SKIC8: variants seen among roughly 807,000 people sequenced by gnomAD.
The protein encoded by SKIC8 is superkiller complex protein 8.
chr15:78,296,774 A>G, the SKIC8 span, among the ~76,000 whole-genome samples: 1 of 152,188 alleles, frequency 6.6e-6, no homozygotes, highest in Non-Finnish European at 1.5e-5. Flanking sequence ...AAGTGCTGGG[A>G]TTACAGGTAT....
At chr15:78,295,401 C>CTTTTTTTTTTT in the SKIC8 span, 1 of 393,862 alleles carries the variant, frequency 2.5e-6, no homozygotes, top group Non-Finnish European at 4.6e-6. Flanking sequence ...CTATTCTGAT[C>CTTTTTTTTTTT]TTTTTTTTTT....
the SKIC8 span, chr15:78,295,247 T>C: frequency 1.8e-6 from 1 of 560,962 alleles, no homozygotes; most frequent in Non-Finnish European, 3.2e-6. Flanking sequence ...ATGTTTTCTT[T>C]TTCTGTTCTG....
the SKIC8 span, chr15:78,294,825 ATTC>A: frequency 8.9e-7 from 1 of 1,119,822 alleles, no homozygotes; most frequent in African/African-American, 1.6e-5. Context: ...TCAGCTGCCA[ATTC>A]TTCTGCAAAG....
the SKIC8 span, chr15:78,291,130 C>G: frequency 6.6e-6 from 1 of 152,142 alleles, no homozygotes; most frequent in African/African-American, 2.4e-5. Context: ...AACTTTGCCA[C>G]ACTTGGAGAA....
the SKIC8 span, chr15:78,292,468 A>T: frequency 3.7e-6 from 3 of 806,280 alleles, 1 homozygote; most frequent in South Asian, 5.1e-5. Flanking sequence ...AGCCCCACTG[A>T]GGGTATTATG....
At chr15:78,288,781 T>C in the SKIC8 span, 14 of 344,164 alleles carry the variant, frequency 4.1e-5, no homozygotes, top group East Asian at 1.0e-3. Context: ...CGTAATAAAT[T>C]CACTTGATTA....
the SKIC8 span, among the ~76,000 whole-genome samples, chr15:78,297,412 T>G: frequency 6.6e-6 from 1 of 152,112 alleles, no homozygotes; most frequent in Non-Finnish European, 1.5e-5. Context: ...TTTTAGTAAG[T>G]AGGTGAATTC....
chr15:78,296,802 C>G, the SKIC8 span, among the ~76,000 whole-genome samples: 1 of 152,164 alleles, frequency 6.6e-6, no homozygotes, highest in Non-Finnish European at 1.5e-5. Context: ...CAGACTCAGG[C>G]TCAGGATGTC....
At chr15:78,294,041 A>C in the SKIC8 span, among the ~76,000 whole-genome samples, 1 of 152,238 alleles carries the variant, frequency 6.6e-6, no homozygotes, top group African/African-American at 2.4e-5. Context: ...CAAAATATGA[A>C]TATAAAGGCA....
the SKIC8 span, chr15:78,286,164 G>T: frequency 6.3e-7 from 1 of 1,588,686 alleles, no homozygotes; most frequent in South Asian, 1.1e-5. Context: ...ACAAAATTGA[G>T]ATGTTAATTT....
At chr15:78,295,420 T>TTTA in the SKIC8 span, 1 of 470,316 alleles carries the variant, frequency 2.1e-6, no homozygotes, top group South Asian at 2.1e-5. Context: ...TTTTTTTTTG[T>TTTA]ACAACATCTT....
the SKIC8 span, chr15:78,285,435 C>G: frequency 9.4e-7 from 1 of 1,060,100 alleles, no homozygotes; most frequent in Non-Finnish European, 1.4e-6. Context: ...TTCAGACCCC[C>G]CAACCCCATG....
At chr15:78,289,755 GTGT>G in the SKIC8 span, 5 of 1,582,302 alleles carry the variant, frequency 3.2e-6, no homozygotes, top group Admixed American at 8.4e-5. Context: ...TTCAGACTCC[GTGT>G]TGTTAAGCTG....
chr15:78,292,878 C>T, the SKIC8 span: 1 of 1,414,692 alleles, frequency 7.1e-7, no homozygotes, highest in Non-Finnish European at 9.7e-7. Flanking sequence ...CTATGCAATA[C>T]CAATGGTCTA....
the SKIC8 span, chr15:78,290,026 G>A: frequency 1.9e-6 from 3 of 1,614,132 alleles, no homozygotes; most frequent in Admixed American, 1.7e-5. Context: ...CACCAAAAAT[G>A]TTCACTTTCC....
chr15:78,284,233 C>G, the SKIC8 span: 2 of 152,076 alleles, frequency 1.3e-5, no homozygotes, highest in African/African-American at 4.8e-5. Context: ...TTCACTCCAG[C>G]CTCTGACACA....
chr15:78,288,345 C>G, the SKIC8 span: 1 of 1,613,738 alleles, frequency 6.2e-7, no homozygotes, highest in Non-Finnish European at 8.5e-7. Flanking sequence ...GCTGGGAGTC[C>G]GGGGAAAAGG....
At chr15:78,298,461 G>A in the SKIC8 span, among the ~76,000 whole-genome samples, 2 of 152,154 alleles carry the variant, frequency 1.3e-5, no homozygotes, top group African/African-American at 4.8e-5. Flanking sequence ...GAGGTCAACC[G>A]TAGTCCAAAA....
At chr15:78,293,057 T>A in the SKIC8 span, 2 of 993,706 alleles carry the variant, frequency 2.0e-6, no homozygotes, top group Admixed American at 2.4e-5. Flanking sequence ...CATATTGCTA[T>A]TGCTTTCTTG....
Sources: gnomAD v4.1 joint callset for allele counts (sites outside exome capture counted in the v4.1 genomes callset) on GRCh38, gnomAD v4.1.1 for gene constraint, MANE v1.5 for transcripts, NCBI Gene and HGNC (gene_info 2026-07-23, HGNC 2026-07-21) for gene names.